Variants in FGD4 observed in about 807,000 individuals in gnomAD.
The protein encoded by FGD4 is FYVE, RhoGEF and PH domain containing 4, also known as FYVE, RhoGEF and PH domain-containing protein 4.
Under a neutral mutation model 102.0 loss-of-function variants are expected in FGD4, and 42 were observed. The ratio of observed to expected loss-of-function variants is 0.41; its 90% CI spans 0.32 to 0.53. The LOEUF (loss-of-function observed/expected upper bound fraction) is 0.53, where lower values mean the gene tolerates loss of function less well. Among genes scored for constraint, FGD4 ranks in the 20% least tolerant of loss-of-function variants. The pLI is 0.21. For synonymous variants in FGD4, 380 were observed against 375.7 expected, an observed-to-expected ratio of 1.01 and a Z score of -0.13; for missense variants, 902 against 1,078.2, an observed-to-expected ratio of 0.84 and a Z score of 2.29.
At chr12:32,410,841 C>G (rs1941174110) in intron 1 of FGD4, among the ~76,000 whole-genome samples, 1 of 152,050 alleles carries the variant, frequency 6.6e-6, no homozygotes, top group South Asian at 2.1e-4. Context: ...GGGTTGTCCC[C>G]TGGAGCCTCT....
chr12:32,548,192 C>G (rs1391452192), intron 1 of FGD4, among the ~76,000 whole-genome samples: 7 of 152,170 alleles, frequency 4.6e-5, no homozygotes, highest in Admixed American at 4.6e-4. Context: ...ACGATTTTTT[C>G]CAGGGAGCAT....
At chr12:32,449,631 G>C (rs149348816) in intron 1 of FGD4, among the ~76,000 whole-genome samples, 1 of 152,264 alleles carries the variant, frequency 6.6e-6, no homozygotes, top group Non-Finnish European at 1.5e-5. Flanking sequence ...CTGTTACTTT[G>C]ATCACTTGAT....
intron 1 of FGD4, among the ~76,000 whole-genome samples, chr12:32,490,889 C>T (rs773854826): frequency 1.3e-5 from 2 of 152,148 alleles, no homozygotes. Flanking sequence ...TAGTTCCTCT[C>T]ACAGGATTGA....
intron 11 of FGD4, among the ~76,000 whole-genome samples, chr12:32,622,049 GACTA>G (rs747598706): frequency 2.6e-5 from 4 of 152,120 alleles, no homozygotes; most frequent in Non-Finnish European, 5.9e-5. Flanking sequence ...CACCAAGCCC[GACTA>G]ACTTTTGTAT....
intron 1 of FGD4, among the ~76,000 whole-genome samples, chr12:32,476,605 C>T (rs1390029662): frequency 6.6e-6 from 1 of 152,152 alleles, no homozygotes; most frequent in Non-Finnish European, 1.5e-5. Flanking sequence ...AGTTGCCATG[C>T]CTCTAGCTAG....
rs552631684 is a variant in FGD4 at position 32,441,244 on chromosome 12, AT to A, written c.166+41286del. On this transcript the variant is annotated intron_variant, in intron 1 of 16. Transcript: ENST00000534526. ...TGCCCTGTAGCTGTCACATCTGGTA[AT>A]GTGCTGAGCCTTGCCTGAAGTCAGC... Among the ~76,000 whole-genome samples the A allele has an allele frequency of 2.6e-3, 400 of 152,164 alleles. 2 individuals are homozygous for A. Among genetic ancestry groups the A allele is most frequent in the Admixed American group, 4.8e-3 (73 of 15,290 alleles).
At chr12:32,505,995 TG>T (rs1938691880) in intron 1 of FGD4, among the ~76,000 whole-genome samples, 1 of 152,224 alleles carries the variant, frequency 6.6e-6, no homozygotes, top group South Asian at 2.1e-4. Context: ...TAAACAGGAT[TG>T]TCTGCTTTTT....
intron 4 of FGD4, among the ~76,000 whole-genome samples, chr12:32,592,232 G>A (rs999840648): frequency 5.3e-5 from 8 of 151,754 alleles, no homozygotes; most frequent in South Asian, 2.1e-4. Context: ...ACAGGCGTGC[G>A]CCACCATTCC....
chr12:32,580,207 T>C (rs1013862239), intron 3 of FGD4, among the ~76,000 whole-genome samples: 4 of 152,162 alleles, frequency 2.6e-5, no homozygotes, highest in African/African-American at 7.2e-5. Flanking sequence ...CATTGTGACA[T>C]TGGCCACCTT....
At chr12:32,543,244 G>A (rs1374127842) in intron 1 of FGD4, among the ~76,000 whole-genome samples, 1 of 152,140 alleles carries the variant, frequency 6.6e-6, no homozygotes, top group Non-Finnish European at 1.5e-5. Context: ...CATAAGGTGA[G>A]GTCCAGAAGA....
intron 1 of FGD4, among the ~76,000 whole-genome samples, chr12:32,440,785 AG>A (rs1356246304): frequency 6.6e-6 from 1 of 152,218 alleles, no homozygotes; most frequent in Non-Finnish European, 1.5e-5. Context: ...GCCAGAAGTC[AG>A]GAACTAGAAT....
Position 32,610,759 on chromosome 12 carries a change from C to A in FGD4, c.1544-17C>A, listed in dbSNP as rs764690095. ...GGACAAAGCATATTTATTTACTTTT[C>A]TTTTTTTCCCATTTAGAATCACTTG... On this transcript the variant is annotated splice_polypyrimidine_tract_variant and intron_variant, in intron 8 of 16. Coordinates refer to ENST00000534526, the MANE Select transcript of FGD4 (RefSeq NM_001370298.3). 3 of 1,606,220 alleles carry A rather than the reference C, an allele frequency of 1.9e-6. No homozygotes were observed. The highest frequency in any genetic ancestry group is 1.1e-5 in the South Asian group (1 of 90,926).
At chr12:32,519,112 G>A (rs1356827462) in intron 1 of FGD4, among the ~76,000 whole-genome samples, 11 of 97,546 alleles carry the variant, frequency 1.1e-4, no homozygotes, top group East Asian at 2.9e-4. Context: ...GCAAAACTCC[G>A]TCTCAGGAAA....
chr12:32,527,809 A>T (rs1428109731), intron 1 of FGD4, among the ~76,000 whole-genome samples: 1 of 152,172 alleles, frequency 6.6e-6, no homozygotes, highest in East Asian at 1.9e-4. Context: ...TGAAATCCTT[A>T]TAGATAAGAT....
intron 1 of FGD4, among the ~76,000 whole-genome samples, chr12:32,408,932 G>C (rs989246718): frequency 1.3e-5 from 2 of 152,102 alleles, no homozygotes; most frequent in South Asian, 4.2e-4. Context: ...TTCATTGGGG[G>C]TCCCATCTGC....
chr12:32,411,466 A>G lies in FGD4; in HGVS notation c.166+11507A>G, dbSNP rs537902428. Among the ~76,000 whole-genome samples the G allele has an allele frequency of 1.3e-4, 19 of 151,758 alleles. No homozygotes were observed. In the South Asian group the frequency reaches 4.0e-3, roughly 32 times the overall value. Reference sequence around the variant, plus strand: ...GGAGAATTGCTTGAACCCGAGAGGCAGAGGTTGCGGTGAGGCGAGATCGCG... The same window carrying G: ...GGAGAATTGCTTGAACCCGAGAGGCGGAGGTTGCGGTGAGGCGAGATCGCG... On this transcript the variant is annotated intron_variant, in intron 1 of 16. Transcript: ENST00000534526.
chr12:32,586,824 A>C (rs1947078485), intron 4 of FGD4, among the ~76,000 whole-genome samples: 1 of 152,204 alleles, frequency 6.6e-6, no homozygotes, highest in Non-Finnish European at 1.5e-5. Flanking sequence ...TTTGTGGGCA[A>C]AAAATAAATT....
Position 32,520,638 on chromosome 12 carries a change from G to A in FGD4, c.167-43499G>A, listed in dbSNP as rs1049953892. On this transcript the variant is annotated intron_variant, in intron 1 of 16. Transcript: ENST00000534526. ...TTTTTAGTAGAGATAGGGTTTCACC[G>A]TGTTAGCCAGGATGGTCTCGATCTC... Among the ~76,000 whole-genome samples, 16 of 151,862 alleles carry A rather than the reference G, an allele frequency of 1.1e-4. No individual in the cohort carries two copies. The East Asian group carries it at 1.8e-3, about 17-fold the overall frequency.
At chr12:32,448,619 G>A (rs930577669) in intron 1 of FGD4, among the ~76,000 whole-genome samples, 4 of 150,704 alleles carry the variant, frequency 2.7e-5, no homozygotes, top group South Asian at 2.1e-4. Flanking sequence ...ATCGCGCCAC[G>A]GCACTCCAGC....
Sources: gnomAD v4.1 joint callset for allele counts (sites outside exome capture counted in the v4.1 genomes callset) on GRCh38, gnomAD v4.1.1 for gene constraint, MANE v1.5 for transcripts, NCBI Gene and HGNC (gene_info 2026-07-23, HGNC 2026-07-21) for gene names.